Variants in KCNK2 observed in about 807,000 individuals in gnomAD.
The protein encoded by KCNK2 is potassium two pore domain channel subfamily K member 2.
A neutral mutation model predicts 40.5 loss-of-function variants in KCNK2; 21 were observed. That is an observed-to-expected ratio of 0.52 (90% CI 0.37 to 0.75). The LOEUF (loss-of-function observed/expected upper bound fraction) is 0.75. Among genes scored for constraint, KCNK2 ranks in the 30% least tolerant of loss-of-function variants. The probability of loss-of-function intolerance (pLI) is 0.00; values close to 1 mark genes in which losing one functional copy is unlikely to be tolerated. For missense variants in KCNK2, 399 were observed against 531.6 expected (o/e 0.75, Z 2.45); for synonymous variants, 191 against 202.2 (o/e 0.94, Z 0.47).
At chr1:215,209,490 T>G (rs1306188152) in intron 6 of KCNK2, among the ~76,000 whole-genome samples, 2 of 3,092 alleles carry the variant, frequency 6.5e-4, no homozygotes, top group African/African-American at 3.6e-3. Context: ...ATATAATACA[T>G]ATATATAATA....
intron 3 of KCNK2, among the ~76,000 whole-genome samples, chr1:215,134,593 A>C (rs375777300): frequency 6.6e-6 from 1 of 152,116 alleles, no homozygotes; most frequent in Non-Finnish European, 1.5e-5. Context: ...ATCAGTCTCC[A>C]GTTCTTCTCA....
intron 6 of KCNK2, among the ~76,000 whole-genome samples, chr1:215,207,400 T>C (rs533175785): frequency 2.0e-5 from 3 of 152,322 alleles, no homozygotes; most frequent in Non-Finnish European, 2.9e-5. Flanking sequence ...CCTGAAACCA[T>C]TCCCCCAGCT....
intron 2 of KCNK2, among the ~76,000 whole-genome samples, chr1:215,092,189 T>G (rs1659720315): frequency 6.6e-6 from 1 of 152,004 alleles, no homozygotes; most frequent in African/African-American, 2.4e-5. Flanking sequence ...TGGATGTATT[T>G]TGGAAGGAAA....
chr1:215,192,658 T>C (rs1299816943), intron 5 of KCNK2, among the ~76,000 whole-genome samples: 1 of 152,214 alleles, frequency 6.6e-6, no homozygotes, highest in Non-Finnish European at 1.5e-5. Context: ...GGTGAGACTA[T>C]CATGTAACAG....
At position 215,203,678 on chromosome 1, in the gene KCNK2, T is replaced by C. The variant is rs182383949; in HGVS notation, c.963+8586T>C. 2.5e-3 allele frequency among the ~76,000 whole-genome samples: 381 copies of C among 152,114 alleles called. 2 individuals carry two copies. Among genetic ancestry groups the C allele is most frequent in the Non-Finnish European group, 2.5e-3 (171 of 67,982 alleles). ...ACAAACAAAAACTATTGAGGGTGTG[T>C]ATATGGCTAGAATTTAATCACAAAA... On this transcript the variant is annotated intron_variant, in intron 6 of 6. Transcript: ENST00000444842.
intron 3 of KCNK2, among the ~76,000 whole-genome samples, chr1:215,133,028 T>C (rs1226784024): frequency 1.3e-5 from 2 of 152,192 alleles, no homozygotes; most frequent in African/African-American, 4.8e-5. Flanking sequence ...CATAATTTGT[T>C]TTGTTTTGGG....
intron 3 of KCNK2, among the ~76,000 whole-genome samples, chr1:215,130,253 A>G (rs1053108267): frequency 1.3e-5 from 2 of 152,202 alleles, no homozygotes; most frequent in Non-Finnish European, 2.9e-5. Context: ...GATGGAGTTC[A>G]GAGAGCTTCT....
chr1:215,234,411 T>G (rs2102717248), intron 6 of KCNK2, among the ~76,000 whole-genome samples: 1 of 152,334 alleles, frequency 6.6e-6, no homozygotes, highest in East Asian at 1.9e-4. Context: ...TTATTCTGCC[T>G]TGCTTCTTCT....
At chr1:215,108,882 G>A (rs981519519) in intron 2 of KCNK2, among the ~76,000 whole-genome samples, 70 of 145,328 alleles carry the variant, frequency 4.8e-4, no homozygotes, top group African/African-American at 1.7e-3. Context: ...ATATCTTCAC[G>A]TGCTAACATG....
intron 6 of KCNK2, among the ~76,000 whole-genome samples, chr1:215,213,101 C>A (rs556440192): frequency 9.9e-5 from 15 of 152,274 alleles, no homozygotes; most frequent in Non-Finnish European, 2.2e-4. Context: ...ATGCAGTTTA[C>A]AGGCTATCCA....
intron 3 of KCNK2, among the ~76,000 whole-genome samples, chr1:215,136,993 A>G (rs1173986742): frequency 6.6e-6 from 1 of 152,194 alleles, no homozygotes; most frequent in African/African-American, 2.4e-5. Flanking sequence ...AAAAAAATTT[A>G]ATTTTTTCCA....
chr1:215,217,394 A>T (rs904718666), intron 6 of KCNK2, among the ~76,000 whole-genome samples: 1 of 152,214 alleles, frequency 6.6e-6, no homozygotes, highest in East Asian at 1.9e-4. Context: ...TATGATAAAG[A>T]TATTATTAAA....
At chr1:215,225,615 A>G (rs1300726233) in intron 6 of KCNK2, among the ~76,000 whole-genome samples, 1 of 152,196 alleles carries the variant, frequency 6.6e-6, no homozygotes, top group Non-Finnish European at 1.5e-5. Context: ...ATGTCAGTCA[A>G]TGGTCACAGA....
intron 1 of KCNK2, among the ~76,000 whole-genome samples, chr1:215,023,101 G>A (rs750240925): frequency 1.6e-4 from 25 of 152,192 alleles, no homozygotes; most frequent in Non-Finnish European, 2.6e-4. Context: ...CCTGAAATAT[G>A]AGCCTTTCGT....
intron 3 of KCNK2, among the ~76,000 whole-genome samples, chr1:215,134,658 G>T (rs1002522759): frequency 6.6e-6 from 1 of 151,788 alleles, no homozygotes; most frequent in African/African-American, 2.4e-5. Flanking sequence ...GTCATGGCTT[G>T]TTTTTTTTCT....
chr1:215,153,209 G>T (rs1380550039), intron 3 of KCNK2, among the ~76,000 whole-genome samples: 1 of 152,116 alleles, frequency 6.6e-6, no homozygotes, highest in Non-Finnish European at 1.5e-5. Flanking sequence ...TATTTGATAG[G>T]CTTTCATTAA....
rs115266001 is a variant in KCNK2, at chr1:215,014,733, G to A, written c.34+8778G>A. Among the ~76,000 whole-genome samples the A allele has an allele frequency of 3.6e-3, 542 of 152,168 alleles. 3 individuals carry two copies. Among genetic ancestry groups the A allele is most frequent in the South Asian group, 5.8e-3 (28 of 4,826 alleles). The stretch of plus-strand genomic sequence containing the variant: ...TGTAATCAGGTTTTACTTATACAAG[G>A]AGACCATCTGGTAATTTTTCCATGA... On this transcript the variant is annotated intron_variant, in intron 1 of 6. Transcript: ENST00000391895.
Position 215,083,278 on chromosome 1 carries a change from C to G in KCNK2, c.-108C>G. 6.3e-7 allele frequency: 1 copy of G among 1,596,750 alleles called. No homozygotes were observed. The highest frequency in any genetic ancestry group is 8.5e-7 in the Non-Finnish European group (1 of 1,169,764). On this transcript the variant is annotated 5_prime_UTR_variant, in exon 1 of 7. Coordinates refer to ENST00000444842, the MANE Select transcript of KCNK2 (RefSeq NM_001017425.3). ...GGGGAAAATGCCTGCCCGTGCAGCT[C>G]GGAGCGCGCAGCCCGTCTCTGAATA...
chr1:215,146,256 A>T (rs913360861), intron 3 of KCNK2, among the ~76,000 whole-genome samples: 1 of 152,156 alleles, frequency 6.6e-6, no homozygotes, highest in South Asian at 2.1e-4. Context: ...TTTGCAAAGG[A>T]ATAGCCCTTC....
Sources: allele counts gnomAD v4.1 joint callset (sites outside exome capture counted in the v4.1 genomes callset), GRCh38; gene constraint gnomAD v4.1.1; transcripts MANE v1.5; gene names NCBI Gene and HGNC (gene_info 2026-07-23, HGNC 2026-07-21).